The following SRRM4 variants were observed in gnomAD, a reference collection of about 807,000 sequenced individuals.
SRRM4 encodes serine/arginine repetitive matrix protein 4.
Under a neutral mutation model 68.9 loss-of-function variants are expected in SRRM4, and 33 were observed. The ratio of observed to expected loss-of-function variants is 0.48; its 90% CI spans 0.36 to 0.64. SRRM4 has a LOEUF of 0.64. Ranked by LOEUF, SRRM4 falls within the 30% of genes least tolerant of loss-of-function variation. The probability of loss-of-function intolerance (pLI) is 0.00; values close to 1 mark genes in which losing one functional copy is unlikely to be tolerated. For missense variants in SRRM4, 817 were observed against 827.1 expected (o/e 0.99, Z 0.15); for synonymous variants, 318 against 318.8 (o/e 1.00, Z 0.03).
At chr12:119,077,667 A>C (rs542892207) in intron 1 of SRRM4, among the ~76,000 whole-genome samples, 25 of 152,290 alleles carry the variant, frequency 1.6e-4, no homozygotes, top group Non-Finnish European at 2.8e-4. Flanking sequence ...AGCAATTATA[A>C]TAATATCTTA....
chr12:119,151,221 G>T lies in SRRM4; in HGVS notation c.1280+1G>T, dbSNP rs1954437461. ...GCCGATCCACCTCTTCTGAAAAAAG[G>T]TGAGTGTGGTTTTGACCTTTGCTCT... is the stretch of plus-strand genomic sequence containing the variant. On this transcript the variant is annotated splice_donor_variant, in intron 10 of 12. Coordinates refer to ENST00000267260, the MANE Select transcript of SRRM4 (RefSeq NM_194286.4). LOFTEE classifies it high-confidence loss of function. 1.2e-6 allele frequency: 2 copies of T among 1,613,594 alleles called. No homozygotes were observed. The highest frequency in any genetic ancestry group is 2.7e-5 in the African/African-American group (2 of 74,948).
chr12:119,157,296 A>G lies in SRRM4; in HGVS notation c.*498A>G, dbSNP rs924031696. On this transcript the variant is annotated 3_prime_UTR_variant, in exon 13 of 13. Coordinates refer to ENST00000267260, the MANE Select transcript of SRRM4 (RefSeq NM_194286.4). This position sits in a 1 kb window ranked among gnomAD's most constrained non-coding sequence, Gnocchi z 4.1. ...AGACCAATGGCAGTTCAGGTTCAAG[A>G]TAACGGGGTCAGGCCTTTAACTTCC... is the stretch of plus-strand genomic sequence containing the variant. 6.3e-6 allele frequency: 1 copy of G among 158,122 alleles called. No homozygotes were observed. Among genetic ancestry groups the G allele is most frequent in the African/African-American group, 2.4e-5 (1 of 41,526 alleles). 9.8% of individuals were successfully genotyped at this position (158,122 alleles called of 1,614,324 possible). A position where few individuals can be genotyped will look rare whatever the true frequency, so the allele number is the denominator to read the frequency against.
chr12:119,108,374 A>G (rs1229124466), intron 2 of SRRM4, among the ~76,000 whole-genome samples: 1 of 152,048 alleles, frequency 6.6e-6, no homozygotes, highest in Non-Finnish European at 1.5e-5. Flanking sequence ...TATCCTTGTT[A>G]ACTTTCTGTC....
intron 1 of SRRM4, among the ~76,000 whole-genome samples, chr12:119,076,080 T>G (rs1953914129): frequency 6.6e-6 from 1 of 151,968 alleles, no homozygotes; most frequent in Admixed American, 6.6e-5. Context: ...GTAATGATAA[T>G]AATAATGATG....
intron 1 of SRRM4, chr12:118,993,920 T>C (rs563305556): frequency 6.6e-6 from 1 of 152,240 alleles, no homozygotes; most frequent in African/African-American, 2.4e-5. Flanking sequence ...GGAAGATCCA[T>C]CCCTTAAGCC....
chr12:119,096,492 C>T (rs1424645194), intron 1 of SRRM4, among the ~76,000 whole-genome samples: 2 of 152,170 alleles, frequency 1.3e-5, no homozygotes, highest in Non-Finnish European at 2.9e-5. Flanking sequence ...GCTTAGTTAG[C>T]TCAGTGTCTG....
intron 1 of SRRM4, among the ~76,000 whole-genome samples, chr12:119,005,449 G>A (rs192657291): frequency 4.1e-4 from 63 of 152,286 alleles, no homozygotes; most frequent in Non-Finnish European, 6.9e-4. Flanking sequence ...ATTAATCTCG[G>A]AAGAGACCTG....
In SRRM4 at chr12:119,106,525, A is replaced by G. The variant is rs960312989; in HGVS notation, c.278+4143A>G. ...AGTTCTCCTTGAAGAGGTCCTTCAC[A>G]TCCCTTGTAAGTTGGATTCCTAGAT... On this transcript the variant is annotated intron_variant, in intron 2 of 12. Transcript: ENST00000267260. 3.3e-5 allele frequency among the ~76,000 whole-genome samples: 5 copies of G among 152,230 alleles called. 1 individual carries two copies. Among genetic ancestry groups the G allele is most frequent in the East Asian group, 1.9e-4 (1 of 5,172 alleles).
intron 1 of SRRM4, among the ~76,000 whole-genome samples, chr12:118,995,316 T>A (rs1434581665): frequency 6.6e-6 from 1 of 152,204 alleles, no homozygotes; most frequent in Non-Finnish European, 1.5e-5. Context: ...AGAATTTGAA[T>A]CCTGTGCTGC....
chr12:119,021,837 C>T (rs1489879141), intron 1 of SRRM4, among the ~76,000 whole-genome samples: 2 of 151,980 alleles, frequency 1.3e-5, no homozygotes, highest in Non-Finnish European at 2.9e-5. Context: ...CATTGATGGG[C>T]GTTTGGGTTG....
At chr12:119,002,223 CA>C (rs915365328) in intron 1 of SRRM4, among the ~76,000 whole-genome samples, 113 of 141,274 alleles carry the variant, frequency 8.0e-4, no homozygotes, top group Admixed American at 1.8e-3. Context: ...AGAAAAGAAG[CA>C]AAAAAAAAAA....
chr12:119,076,703 A>G lies in SRRM4; in HGVS notation c.132-25533A>G, dbSNP rs114540977. On this transcript the variant is annotated intron_variant, in intron 1 of 12. Transcript: ENST00000267260. Reference sequence around the variant, plus strand: ...TTCAACCACCCCAAGGAAGTGCAAGAGTACAGCTGGCGCTTTGCTGATTCA... The same window carrying G: ...TTCAACCACCCCAAGGAAGTGCAAGGGTACAGCTGGCGCTTTGCTGATTCA... Among the ~76,000 whole-genome samples, 717 of 152,318 alleles carry G rather than the reference A, an allele frequency of 4.7e-3. 1 individual carries two copies. Among genetic ancestry groups the G allele is most frequent in the African/African-American group, 0.015 (625 of 41,578 alleles).
intron 1 of SRRM4, among the ~76,000 whole-genome samples, chr12:119,100,388 G>A (rs531999367): frequency 6.6e-6 from 1 of 151,008 alleles, no homozygotes; most frequent in East Asian, 1.9e-4. Flanking sequence ...TACTTGGGAG[G>A]TTGAGGTCAG....
intron 7 of SRRM4, among the ~76,000 whole-genome samples, chr12:119,130,142 C>CGGAT (rs1228825119): frequency 2.2e-5 from 3 of 135,352 alleles, no homozygotes; most frequent in South Asian, 4.9e-4. Context: ...AGTGGATGAA[C>CGGAT]GGATGGATGG....
At chr12:119,116,646 GTACC>G (rs1250124561) in intron 3 of SRRM4, among the ~76,000 whole-genome samples, 18 of 152,220 alleles carry the variant, frequency 1.2e-4, no homozygotes, top group Admixed American at 2.0e-4. Flanking sequence ...GGTAGCAATT[GTACC>G]TACCTAAGAA....
rs1184132032 is a variant in SRRM4, at chr12:119,158,123, C to T, written c.*1325C>T. The T allele has an allele frequency of 1.3e-5, 2 of 152,742 alleles. No individual in the cohort carries two copies. The highest frequency in any genetic ancestry group is 2.9e-5 in the Non-Finnish European group (2 of 68,114). The allele number at this position is 152,742 out of a possible 1,614,324, so 9.5% of individuals were successfully genotyped here. A position where few individuals can be genotyped will look rare whatever the true frequency, so the allele number is the denominator to read the frequency against. On this transcript the variant is annotated 3_prime_UTR_variant, in exon 13 of 13. Transcript: ENST00000267260. Reference sequence around the variant, plus strand: ...GATCCACAAATACCACCAGCTGCTTCATCCACAGAAGGCGCTAAGAACGGG... The same window carrying T: ...GATCCACAAATACCACCAGCTGCTTTATCCACAGAAGGCGCTAAGAACGGG...
chr12:119,122,756 A>G (rs1954230291), intron 6 of SRRM4, among the ~76,000 whole-genome samples: 1 of 152,138 alleles, frequency 6.6e-6, no homozygotes, highest in African/African-American at 2.4e-5. Context: ...TATTTTGTGC[A>G]CAGGGGTCGT....
chr12:118,990,409 C>T (rs939388256), intron 1 of SRRM4, among the ~76,000 whole-genome samples: 9 of 152,134 alleles, frequency 5.9e-5, no homozygotes, highest in African/African-American at 1.9e-4. Context: ...TTTCAGGGTT[C>T]GGCATTGTCC....
intron 1 of SRRM4, among the ~76,000 whole-genome samples, chr12:119,073,863 A>G (rs1953893144): frequency 6.6e-6 from 1 of 152,178 alleles, no homozygotes; most frequent in Non-Finnish European, 1.5e-5. Flanking sequence ...CTTGGGCTCA[A>G]GAAACTCTAC....
Sources: allele counts gnomAD v4.1 joint callset (sites outside exome capture counted in the v4.1 genomes callset), GRCh38; gene constraint gnomAD v4.1.1; non-coding constraint Gnocchi (gnomAD v3.1); transcripts MANE v1.5; gene names NCBI Gene and HGNC (gene_info 2026-07-23, HGNC 2026-07-21).